EML5: variants seen among roughly 807,000 people sequenced by gnomAD.
The protein encoded by EML5 is echinoderm microtubule-associated protein-like 5.
EML5 carries 120 observed loss-of-function variants against 250.0 expected under a neutral mutation model. The observed-to-expected ratio is 0.48, with a 90% confidence interval of 0.41 to 0.56. The LOEUF is 0.56. Ranked by LOEUF, EML5 falls within the 20% of genes least tolerant of loss-of-function variation. The pLI is 0.00. For missense variants in EML5, 2,006 were observed against 2,437.6 expected, an observed-to-expected ratio of 0.82 and a Z score of 3.73; for synonymous variants, 771 against 806.5, an observed-to-expected ratio of 0.96 and a Z score of 0.75.
intron 8 of EML5, among the ~76,000 whole-genome samples, chr14:88,724,949 G>A (rs765696280): frequency 4.6e-5 from 7 of 152,112 alleles, no homozygotes; most frequent in African/African-American, 7.2e-5. Flanking sequence ...GGGAGGTTTC[G>A]TAGTCTTTCA....
In EML5 at chr14:88,615,037, T is replaced by C. The variant is rs970525842; in HGVS notation, c.*781A>G. On this transcript the variant is annotated 3_prime_UTR_variant, in exon 44 of 44. Coordinates refer to ENST00000554922, the MANE Select transcript of EML5 (RefSeq NM_183387.3). ...ACTGTTGCTCCCTAAAACCCTTACA[T>C]TGTACACCATTGGGAATGATTGTTC... is the stretch of plus-strand genomic sequence containing the variant. 4 of 152,230 alleles carry C rather than the reference T, an allele frequency of 2.6e-5. No homozygotes were observed. In the East Asian group the frequency reaches 5.8e-4, roughly 22 times the overall value. 9.4% of individuals were successfully genotyped at this position (152,230 alleles called of 1,614,324 possible). A position where few individuals can be genotyped will look rare whatever the true frequency, so the allele number is the denominator to read the frequency against.
chr14:88,626,596 G>A (rs2089976401), intron 35 of EML5: 4 of 469,304 alleles, frequency 8.5e-6, no homozygotes, highest in African/African-American at 4.0e-5. Context: ...CAGCCCAGGC[G>A]ACAGAGTGAG....
At chr14:88,679,184 C>G (rs1243599688) in intron 21 of EML5, among the ~76,000 whole-genome samples, 1 of 145,244 alleles carries the variant, frequency 6.9e-6, no homozygotes, top group Non-Finnish European at 1.5e-5. Flanking sequence ...TTGTCTTAAA[C>G]TGATTATATC....
At chr14:88,710,789 G>C (rs989054664) in intron 10 of EML5, among the ~76,000 whole-genome samples, 11 of 152,134 alleles carry the variant, frequency 7.2e-5, no homozygotes, top group African/African-American at 2.7e-4. Flanking sequence ...TTATACTTAT[G>C]TCCTTGAAGG....
chr14:88,764,500 G>C (rs2094293965), intron 1 of EML5, among the ~76,000 whole-genome samples: 1 of 151,844 alleles, frequency 6.6e-6, no homozygotes. Context: ...TTTTATTCTT[G>C]GTCAGCCTAG....
intron 21 of EML5, among the ~76,000 whole-genome samples, chr14:88,670,533 C>G (rs950049203): frequency 2.0e-5 from 3 of 152,076 alleles, no homozygotes; most frequent in African/African-American, 7.2e-5. Flanking sequence ...CACAACACCT[C>G]TCCAGCAAGG....
intron 8 of EML5, among the ~76,000 whole-genome samples, chr14:88,726,060 C>G (rs577441923): frequency 6.6e-6 from 1 of 152,252 alleles, no homozygotes; most frequent in South Asian, 2.1e-4. Context: ...TAATTCAACA[C>G]AAAATGTTAA....
intron 1 of EML5, among the ~76,000 whole-genome samples, chr14:88,756,848 GAC>G (rs138706900): frequency 0.026 from 3,914 of 152,192 alleles, 160 homozygotes; most frequent in African/African-American, 0.089. Flanking sequence ...TAAATGGAAA[GAC>G]ATCTCATTTC....
intron 9 of EML5, among the ~76,000 whole-genome samples, chr14:88,714,250 AG>A: frequency 1.3e-5 from 2 of 152,076 alleles, no homozygotes; most frequent in South Asian, 2.1e-4. Flanking sequence ...ACTAAGATAC[AG>A]TGGTACTTTA....
chr14:88,773,089 T>C (rs1349383698), intron 1 of EML5, among the ~76,000 whole-genome samples: 3 of 152,350 alleles, frequency 2.0e-5, no homozygotes, highest in East Asian at 3.9e-4. Flanking sequence ...GTAGGCACTA[T>C]GTTTTACTTG....
At chr14:88,649,997 T>C in intron 27 of EML5, 71 bp from the exon 28 acceptor site, 1 of 1,130,654 alleles carries the variant, frequency 8.8e-7, no homozygotes, top group Non-Finnish European at 1.2e-6. Context: ...ATACAGCATT[T>C]TAGCAAACAG....
intron 27 of EML5, among the ~76,000 whole-genome samples, 159 bp from the exon 28 acceptor site, chr14:88,650,085 T>C (rs1420698796): frequency 6.6e-6 from 1 of 152,184 alleles, no homozygotes; most frequent in East Asian, 1.9e-4. Context: ...TAAACATTGA[T>C]TTAAATATTT....
chr14:88,631,598 A>C (rs1370935296), intron 33 of EML5, among the ~76,000 whole-genome samples: 1 of 152,114 alleles, frequency 6.6e-6, no homozygotes, highest in Non-Finnish European at 1.5e-5. Context: ...GTGAAACCCC[A>C]TCTCTACTAA....
At chr14:88,760,294 T>G (rs540263165) in intron 1 of EML5, among the ~76,000 whole-genome samples, 4 of 152,342 alleles carry the variant, frequency 2.6e-5, no homozygotes, top group Admixed American at 6.5e-5. Context: ...CATTTAAAGC[T>G]ACAATCTATT....
intron 27 of EML5, among the ~76,000 whole-genome samples, chr14:88,651,764 G>T (rs184592116): frequency 5.3e-5 from 8 of 151,466 alleles, no homozygotes; most frequent in Non-Finnish European, 8.8e-5. Flanking sequence ...CATATGTAGC[G>T]CTTATTGCTT....
At chr14:88,616,079 G>T in intron 43 of EML5, 63 bp downstream of exon 43, 1 of 1,536,680 alleles carries the variant, frequency 6.5e-7, no homozygotes, top group Non-Finnish European at 9.0e-7. Flanking sequence ...TGTAGGAGTT[G>T]TTGTATTAAG....
intron 26 of EML5, among the ~76,000 whole-genome samples, 198 bp from the exon 27 acceptor site, chr14:88,657,700 G>C (rs1286104084): frequency 1.3e-5 from 2 of 152,080 alleles, no homozygotes; most frequent in Non-Finnish European, 2.9e-5. Context: ...GTATTACTAA[G>C]TAATAATAGC....
At chr14:88,717,487 G>A (rs1451064440) in intron 8 of EML5, among the ~76,000 whole-genome samples, 1 of 152,162 alleles carries the variant, frequency 6.6e-6, no homozygotes, top group East Asian at 1.9e-4. Flanking sequence ...GGCTGGGTGT[G>A]GTGGCTCACG....
Position 88,766,422 on chromosome 14 carries a change from T to C in EML5, c.198-11751A>G, listed in dbSNP as rs996772765. On this transcript the variant is annotated intron_variant, in intron 1 of 43. Coordinates refer to ENST00000554922, the MANE Select transcript of EML5 (RefSeq NM_183387.3). ...GTCTCTAAAATGGCCGCTTTGGGAA[T>C]GTCTGTCTTTTACAGTTGTGGATAA... Among the ~76,000 whole-genome samples the C allele has an allele frequency of 1.1e-4, 16 of 152,202 alleles. 1 individual carries two copies. The highest frequency in any genetic ancestry group is 1.9e-4 in the Non-Finnish European group (13 of 68,034).
Sources: gnomAD v4.1 joint callset for allele counts (sites outside exome capture counted in the v4.1 genomes callset) on GRCh38, gnomAD v4.1.1 for gene constraint, MANE v1.5 for transcripts, NCBI Gene and HGNC (gene_info 2026-07-23, HGNC 2026-07-21) for gene names.